MAGI3: variants seen among roughly 807,000 people sequenced by gnomAD.
MAGI3 encodes the protein membrane associated guanylate kinase, WW and PDZ domain containing 3.
MAGI3 carries 43 observed loss-of-function variants against 121.8 expected under a neutral mutation model. The observed-to-expected ratio is 0.35, with a 90% CI of 0.28 to 0.46. The LOEUF (loss-of-function observed/expected upper bound fraction) is 0.46. Ranked by LOEUF, MAGI3 falls within the 20% of genes least tolerant of loss-of-function variation. MAGI3 has a pLI of 1.00. For missense variants in MAGI3, 1,547 were observed against 1,797.3 expected (o/e 0.86, Z 2.52); for synonymous variants, 553 against 639.3 (o/e 0.86, Z 2.04).
At chr1:113,405,722 C>T (rs930340885) in intron 1 of MAGI3, among the ~76,000 whole-genome samples, 1 of 152,038 alleles carries the variant, frequency 6.6e-6, no homozygotes, top group Non-Finnish European at 1.5e-5. Context: ...TGGCTCACAA[C>T]CTCAACTTCT....
intron 1 of MAGI3, among the ~76,000 whole-genome samples, chr1:113,431,053 T>C (rs1332638912): frequency 2.0e-5 from 3 of 152,154 alleles, no homozygotes; most frequent in African/African-American, 7.2e-5. Context: ...TTGAAACCAC[T>C]GGATAACCTG....
At chr1:113,479,833 C>G (rs1446602165) in intron 1 of MAGI3, among the ~76,000 whole-genome samples, 4 of 152,052 alleles carry the variant, frequency 2.6e-5, no homozygotes, top group Admixed American at 1.3e-4. Context: ...AACCATCTTA[C>G]AGCTTGCTGG....
chr1:113,675,725 C>G (rs1395505566), intron 19 of MAGI3, among the ~76,000 whole-genome samples: 2 of 152,198 alleles, frequency 1.3e-5, no homozygotes, highest in Non-Finnish European at 2.9e-5. Context: ...TGCAGAGCCA[C>G]AGAGCCAAAG....
chr1:113,591,181 G>A (rs1054242097), intron 5 of MAGI3, among the ~76,000 whole-genome samples: 4 of 152,066 alleles, frequency 2.6e-5, no homozygotes, highest in Non-Finnish European at 4.4e-5. Flanking sequence ...TTATGGAAAA[G>A]CACTATTAAT....
At chr1:113,632,043 G>A (rs956625351) in intron 9 of MAGI3, among the ~76,000 whole-genome samples, 3 of 152,142 alleles carry the variant, frequency 2.0e-5, no homozygotes, top group African/African-American at 2.4e-5. Flanking sequence ...TTCACATACC[G>A]TGAAAATATG....
intron 1 of MAGI3, among the ~76,000 whole-genome samples, chr1:113,428,016 G>A (rs1211701474): frequency 1.3e-5 from 2 of 152,150 alleles, no homozygotes; most frequent in Non-Finnish European, 2.9e-5. Context: ...TGTTCTGTGT[G>A]TGTGTGTGTC....
chr1:113,476,198 G>T (rs1185078671), intron 1 of MAGI3, among the ~76,000 whole-genome samples: 1 of 152,032 alleles, frequency 6.6e-6, no homozygotes, highest in African/African-American at 2.4e-5. Context: ...TTTTTTTGAA[G>T]GGTTTTTTGT....
chr1:113,504,773 A>G (rs1214119633), intron 1 of MAGI3, among the ~76,000 whole-genome samples: 2 of 152,174 alleles, frequency 1.3e-5, no homozygotes, highest in African/African-American at 4.8e-5. Context: ...AGCACTGTTT[A>G]TAATATCAAA....
chr1:113,494,174 TA>T (rs915900256), intron 1 of MAGI3, among the ~76,000 whole-genome samples: 4 of 152,302 alleles, frequency 2.6e-5, no homozygotes, highest in South Asian at 4.2e-4. Context: ...CATGGCATTC[TA>T]AGCGGCCATC....
intron 8 of MAGI3, among the ~76,000 whole-genome samples, chr1:113,621,555 GA>G (rs781168889): frequency 1.3e-5 from 2 of 151,952 alleles, no homozygotes; most frequent in Non-Finnish European, 2.9e-5. Context: ...CAAGATGAAT[GA>G]AAATATGTCC....
chr1:113,622,711 G>T lies in MAGI3; in HGVS notation c.1172-95G>T, dbSNP rs968874213. The T allele has an allele frequency of 1.6e-4, 167 of 1,012,480 alleles. No homozygotes were observed. The Admixed American group carries it at 2.2e-3, about 13-fold the overall frequency. 62.7% of individuals were successfully genotyped at this position (1,012,480 alleles called of 1,614,324 possible). A position where few individuals can be genotyped will look rare whatever the true frequency, so the allele number is the denominator to read the frequency against. ...GGCAATGAGAAAGAGATTAAGTTGA[G>T]AATAACATTAAAAAGTCATATAAAA... On this transcript the variant is annotated intron_variant, in intron 8 of 20. Transcript: ENST00000307546.
rs1648423909 is a variant in MAGI3 at position 113,684,381 on chromosome 1, A to T, written c.*367A>T. On this transcript the variant is annotated 3_prime_UTR_variant, in exon 21 of 21. Transcript: ENST00000307546. ...TATCTACTGTATCATGTCTGTTTTT[A>T]TCCTTTTTGTTCAGCTGTTTCCACA... 6.2e-6 allele frequency: 1 copy of T among 162,242 alleles called. No individual in the cohort carries two copies. Among genetic ancestry groups the T allele is most frequent in the Non-Finnish European group, 1.4e-5 (1 of 73,966 alleles). 10.1% of individuals were successfully genotyped at this position (162,242 alleles called of 1,614,324 possible). A position where few individuals can be genotyped will look rare whatever the true frequency, so the allele number is the denominator to read the frequency against.
At chr1:113,531,335 C>G (rs1177135789) in intron 1 of MAGI3, among the ~76,000 whole-genome samples, 1 of 152,096 alleles carries the variant, frequency 6.6e-6, no homozygotes, top group Admixed American at 6.5e-5. Flanking sequence ...ATTGCTGGCA[C>G]TTGATGATAA....
intron 7 of MAGI3, among the ~76,000 whole-genome samples, chr1:113,616,969 C>A (rs953401678): frequency 6.6e-6 from 1 of 151,760 alleles, no homozygotes; most frequent in East Asian, 1.9e-4. Flanking sequence ...CTGCAACCTC[C>A]GCCTTCTGCC....
Position 113,679,709 on chromosome 1 carries a change from A to ATTT in MAGI3, c.3190-1476_3190-1474dup, listed in dbSNP as rs34782120. ...TTTATGTTTATTTTCCTGAAAAATGATTTTTTTTTTTTTTTGAGACGGAGT... is the reference window on the plus strand; with the variant it reads ...TTTATGTTTATTTTCCTGAAAAATGATTTTTTTTTTTTTTTTTTGAGACGGAGT... On this transcript the variant is annotated intron_variant, in intron 19 of 20. Coordinates refer to ENST00000307546, the MANE Select transcript of MAGI3 (RefSeq NM_001142782.2). 2.6e-3 allele frequency among the ~76,000 whole-genome samples: 373 copies of ATTT among 144,590 alleles called. 4 individuals are homozygous for ATTT. Among genetic ancestry groups the ATTT allele is most frequent in the South Asian group, 0.013 (61 of 4,532 alleles). The allele number at this position is 144,590 out of a possible 152,430, so 94.9% of individuals were successfully genotyped here.
At chr1:113,531,710 C>A (rs982053998) in intron 1 of MAGI3, among the ~76,000 whole-genome samples, 1 of 2,948 alleles carries the variant, frequency 3.4e-4, no homozygotes, top group Non-Finnish European at 7.3e-4. Context: ...AGTGGTATTG[C>A]GGGGGGTGGG....
intron 1 of MAGI3, among the ~76,000 whole-genome samples, chr1:113,466,090 A>T (rs1439303025): frequency 2.0e-5 from 3 of 152,042 alleles, no homozygotes; most frequent in East Asian, 3.9e-4. Flanking sequence ...TAGAGGAAAG[A>T]TCTTCAATAT....
intron 5 of MAGI3, among the ~76,000 whole-genome samples, chr1:113,592,549 A>G (rs1019921806): frequency 6.6e-5 from 10 of 152,154 alleles, no homozygotes; most frequent in East Asian, 1.9e-4. Flanking sequence ...CTAACAATCT[A>G]TGTGGCTCCT....
At chr1:113,674,964 G>A (rs763387772) in intron 19 of MAGI3, among the ~76,000 whole-genome samples, 6 of 152,306 alleles carry the variant, frequency 3.9e-5, no homozygotes, top group Non-Finnish European at 5.9e-5. Flanking sequence ...GAGCAATGGC[G>A]TAAAACTAAG....
Sources: gnomAD v4.1 joint callset for allele counts (sites outside exome capture counted in the v4.1 genomes callset) on GRCh38, gnomAD v4.1.1 for gene constraint, MANE v1.5 for transcripts, NCBI Gene and HGNC (gene_info 2026-07-23, HGNC 2026-07-21) for gene names.